The following SLC25A37 variants were observed in gnomAD, a reference collection of about 807,000 sequenced individuals.
The protein encoded by SLC25A37 is solute carrier family 25 member 37.
Under a neutral mutation model 31.0 loss-of-function variants are expected in SLC25A37, and 17 were observed. The ratio of observed to expected loss-of-function variants is 0.55; its 90% CI spans 0.38 to 0.82. The LOEUF is 0.82. Among genes scored for constraint, SLC25A37 ranks in the 40% least tolerant of loss-of-function variants. The pLI is 0.00. For synonymous variants in SLC25A37, 222 were observed against 193.0 expected (o/e 1.15, Z -1.24); for missense variants, 404 against 465.8 (o/e 0.87, Z 1.22).
chr8:23,549,911 A>G lies in SLC25A37; in HGVS notation c.211-16197A>G, dbSNP rs370294542. Reference sequence around the variant, plus strand: ...GGGAGACAGATCCACAGCAGGCAGAATTTGAGGAGGACTTAAAATACCTGC... The same window carrying G: ...GGGAGACAGATCCACAGCAGGCAGAGTTTGAGGAGGACTTAAAATACCTGC... On this transcript the variant is annotated intron_variant, in intron 1 of 3. Coordinates refer to ENST00000519973, the MANE Select transcript of SLC25A37 (RefSeq NM_016612.4). Among the ~76,000 whole-genome samples, 3 of 138,638 alleles carry G rather than the reference A, an allele frequency of 2.2e-5. 1 individual carries two copies. Among genetic ancestry groups the G allele is most frequent in the East Asian group, 4.9e-4 (2 of 4,056 alleles). The allele number at this position is 138,638 out of a possible 152,430, so 91.0% of individuals were successfully genotyped here. A position where few individuals can be genotyped will look rare whatever the true frequency, so the allele number is the denominator to read the frequency against.
intron 1 of SLC25A37, among the ~76,000 whole-genome samples, chr8:23,536,013 G>A (rs1364365711): frequency 6.6e-6 from 1 of 152,158 alleles, no homozygotes; most frequent in African/African-American, 2.4e-5. Context: ...TAGGGTTGTT[G>A]TAAGAATTAA....
intron 1 of SLC25A37, chr8:23,531,920 A>G (rs142147810): frequency 6.6e-6 from 1 of 152,362 alleles, no homozygotes; most frequent in East Asian, 1.9e-4. Context: ...ATAAATAAAT[A>G]AAAGAAGTTA....
At chr8:23,538,559 G>GTGTT (rs1436037871) in intron 1 of SLC25A37, among the ~76,000 whole-genome samples, 1 of 151,678 alleles carries the variant, frequency 6.6e-6, no homozygotes, top group African/African-American at 2.4e-5. Flanking sequence ...GTGTGTGTGT[G>GTGTT]TAGAACCCAG....
Position 23,561,110 on chromosome 8 carries a change from T to C in SLC25A37, c.211-4998T>C, listed in dbSNP as rs79858395. On this transcript the variant is annotated intron_variant, in intron 1 of 3. Coordinates refer to ENST00000519973, the MANE Select transcript of SLC25A37 (RefSeq NM_016612.4). ...GCTTATGAAATTAGAGCTGTCTGTT[T>C]GGGAACAAAAAGAAGGTCAGTTTTT... is the stretch of plus-strand genomic sequence containing the variant. 3.6e-3 allele frequency among the ~76,000 whole-genome samples: 552 copies of C among 152,286 alleles called. 3 individuals are homozygous for C. Among genetic ancestry groups the C allele is most frequent in the African/African-American group, 0.013 (527 of 41,556 alleles).
At chr8:23,547,049 G>A (rs1802088591) in intron 1 of SLC25A37, among the ~76,000 whole-genome samples, 1 of 152,092 alleles carries the variant, frequency 6.6e-6, no homozygotes, top group South Asian at 2.1e-4. Flanking sequence ...ATTCCCTTGA[G>A]GTCTCTTCCA....
rs1345101502 is a variant in SLC25A37 at position 23,529,752 on chromosome 8, T to C, written c.210+540T>C. Among the ~76,000 whole-genome samples the C allele has an allele frequency of 6.6e-6, 1 of 152,112 alleles. No homozygotes were observed. Among genetic ancestry groups the C allele is most frequent in the Non-Finnish European group, 1.5e-5 (1 of 68,020 alleles). On this transcript the variant is annotated intron_variant, in intron 1 of 3. Coordinates refer to ENST00000519973, the MANE Select transcript of SLC25A37 (RefSeq NM_016612.4). The surrounding 1 kb of genome is among the most constrained non-coding windows in gnomAD (Gnocchi z 4.1). ...ATTTCGGGAACTTGGGGCCGGCAAG[T>C]CTTCTCTCGACTAGTGGCAGCTCTT...
At chr8:23,548,631 C>A (rs374759820) in intron 1 of SLC25A37, among the ~76,000 whole-genome samples, 1 of 152,096 alleles carries the variant, frequency 6.6e-6, no homozygotes, top group African/African-American at 2.4e-5. Flanking sequence ...CCACCACACC[C>A]GGCTGATTTT....
chr8:23,536,471 G>C (rs1486117922), intron 1 of SLC25A37, among the ~76,000 whole-genome samples: 2 of 152,086 alleles, frequency 1.3e-5, no homozygotes, highest in Non-Finnish European at 2.9e-5. Flanking sequence ...CCGAGAGGGG[G>C]TTGGCCCTGC....
Position 23,574,520 on chromosome 8 carries a change from C to A in SLC25A37, c.*2665C>A, listed in dbSNP as rs10108792. On this transcript the variant is annotated 3_prime_UTR_variant, in exon 4 of 4. Transcript: ENST00000519973. ...CTGTGGGCCCTGATTGCAGGCCCCT[C>A]CCTGTGTGATGAGGGATGAGTCAGC... is the stretch of plus-strand genomic sequence containing the variant. The A allele has an allele frequency of 0.084, 13,049 of 154,774 alleles. 672 individuals are homozygous for A. Among genetic ancestry groups the A allele is most frequent in the African/African-American group, 0.14 (5,868 of 41,556 alleles). 9.6% of individuals were successfully genotyped at this position (154,774 alleles called of 1,614,324 possible). A position where few individuals can be genotyped will look rare whatever the true frequency, so the allele number is the denominator to read the frequency against.
At chr8:23,544,103 A>G (rs1801973154) in intron 1 of SLC25A37, among the ~76,000 whole-genome samples, 1 of 151,448 alleles carries the variant, frequency 6.6e-6, no homozygotes. Flanking sequence ...CAAGTGATCC[A>G]CCTGCCCTAG....
rs1175768208 is a variant in SLC25A37, at chr8:23,529,452, G to A, written c.210+240G>A. Among the ~76,000 whole-genome samples, 2 of 151,878 alleles carry A rather than the reference G, an allele frequency of 1.3e-5. No individual in the cohort carries two copies. The highest frequency in any genetic ancestry group is 3.9e-4 in the East Asian group (2 of 5,156). The stretch of plus-strand genomic sequence containing the variant: ...CGCCCGCTGCTCCAGCCGCGTGCCC[G>A]GCCCCGGCTGCTGGCGGCGCTGAGG... On this transcript the variant is annotated intron_variant, in intron 1 of 3. Transcript: ENST00000519973. This position sits in a 1 kb window ranked among gnomAD's most constrained non-coding sequence, Gnocchi z 4.1.
chr8:23,570,067 G>C (rs986252849), intron 3 of SLC25A37, among the ~76,000 whole-genome samples: 4 of 152,086 alleles, frequency 2.6e-5, no homozygotes, highest in Non-Finnish European at 5.9e-5. Context: ...TCAGGGTTGT[G>C]ATGGGGCAGG....
At chr8:23,534,654 G>A (rs1052475320) in intron 1 of SLC25A37, among the ~76,000 whole-genome samples, 1 of 152,106 alleles carries the variant, frequency 6.6e-6, no homozygotes. Context: ...TCCCTGGACC[G>A]GGTCCCATTT....
intron 1 of SLC25A37, among the ~76,000 whole-genome samples, chr8:23,559,185 A>G (rs924927337): frequency 2.6e-5 from 4 of 152,354 alleles, no homozygotes; most frequent in African/African-American, 4.8e-5. Context: ...AGGCTTTAGT[A>G]TGGTAATGTG....
intron 1 of SLC25A37, chr8:23,541,798 G>C (rs576334030): frequency 1.3e-5 from 2 of 152,552 alleles, no homozygotes; most frequent in Non-Finnish European, 1.5e-5. Flanking sequence ...CTGATGATCA[G>C]ATCCAGGGAG....
chr8:23,534,069 C>T (rs569029031), intron 1 of SLC25A37, among the ~76,000 whole-genome samples: 2 of 152,298 alleles, frequency 1.3e-5, no homozygotes, highest in Admixed American at 1.3e-4. Flanking sequence ...CCAGCTCAGA[C>T]TCCTGAGTAG....
At position 23,571,981 on chromosome 8, in the gene SLC25A37, G is replaced by C; in HGVS notation, c.*126G>C. 1 of 1,073,616 alleles carries C rather than the reference G, an allele frequency of 9.3e-7. No homozygotes were observed. Among genetic ancestry groups the C allele is most frequent in the Non-Finnish European group, 1.3e-6 (1 of 751,810 alleles). The allele number at this position is 1,073,616 out of a possible 1,614,324, so 66.5% of individuals were successfully genotyped here. ...GCCTATGGGCCCTCTGCTCCCCAAT[G>C]CCTTAGAGAGAGGAGGGGACGGCAC... On this transcript the variant is annotated 3_prime_UTR_variant, in exon 4 of 4. Coordinates refer to ENST00000519973, the MANE Select transcript of SLC25A37 (RefSeq NM_016612.4).
chr8:23,553,442 C>CAA (rs55996201), intron 1 of SLC25A37, among the ~76,000 whole-genome samples: 1 of 149,948 alleles, frequency 6.7e-6, no homozygotes, highest in Non-Finnish European at 1.5e-5. Context: ...AAACAAAAAA[C>CAA]AAAAAAAAAA....
chr8:23,566,467 G>C, intron 2 of SLC25A37, 131 bp downstream of exon 2: 1 of 1,473,898 alleles, frequency 6.8e-7, no homozygotes, highest in Non-Finnish European at 8.9e-7. Context: ...ACTCAGAGTT[G>C]TGTGTGCAAT....
Sources: allele counts gnomAD v4.1 joint callset (sites outside exome capture counted in the v4.1 genomes callset), GRCh38; gene constraint gnomAD v4.1.1; non-coding constraint Gnocchi (gnomAD v3.1); transcripts MANE v1.5; gene names NCBI Gene and HGNC (gene_info 2026-07-23, HGNC 2026-07-21).